MFN2: variants seen among roughly 807,000 people sequenced by gnomAD.
MFN2 encodes mitofusin 2.
Under a neutral mutation model 87.5 loss-of-function variants are expected in MFN2, and 43 were observed. The ratio of observed to expected loss-of-function variants is 0.49; its 90% confidence interval spans 0.38 to 0.63. The LOEUF (loss-of-function observed/expected upper bound fraction) is 0.63. MFN2 is among the 30% of genes least tolerant of loss of function. The pLI, the probability that MFN2 is intolerant of heterozygous loss-of-function variation, is 0.00. For missense variants in MFN2, 743 were observed against 972.8 expected, an observed-to-expected ratio of 0.76 and a Z score of 3.14; for synonymous variants, 337 against 359.9, an observed-to-expected ratio of 0.94 and a Z score of 0.72.
At position 11,992,673 on chromosome 1, in the gene MFN2, AG is replaced by A; in HGVS notation, c.295del (p.Val99TrpfsTer14). On this transcript the variant is annotated frameshift_variant, in exon 4 of 19. Coordinates refer to ENST00000235329, the MANE Select transcript of MFN2 (RefSeq NM_014874.4). LOFTEE classifies it high-confidence loss of function. ...AGGTGCTGGCTCGGAGGCACATGAAAGTGGCTTTTTTTGGCCGGTAAGTCCT... is the reference window on the plus strand; with the variant it reads ...AGGTGCTGGCTCGGAGGCACATGAAATGGCTTTTTTTGGCCGGTAAGTCCT... ...SEVLARRHMKVAFFGRTSNGK... is the reference protein window; with the variant it reads ...SEVLARRHMKXAFFGRTSNGK... 1 of 1,614,168 alleles carries A rather than the reference AG, an allele frequency of 6.2e-7. No individual in the cohort carries two copies. The highest frequency in any genetic ancestry group is 8.5e-7 in the Non-Finnish European group (1 of 1,180,024).
chr1:11,992,244 GTAGA>G, intron 3 of MFN2: 2 of 390,170 alleles, frequency 5.1e-6, no homozygotes, highest in Middle Eastern at 7.9e-4. Context: ...TTCTCATGAA[GTAGA>G]TAATGTAGTT....
chr1:12,007,299 A>G, intron 17 of MFN2, 50 bp downstream of exon 17: 1 of 1,588,678 alleles, frequency 6.3e-7, no homozygotes, highest in Non-Finnish European at 8.6e-7. Flanking sequence ...AGGCAGGGTC[A>G]GCCCCATCTC....
At chr1:11,988,614 G>A (rs12119716) in intron 2 of MFN2, among the ~76,000 whole-genome samples, 2,830 of 152,120 alleles carry the variant, frequency 0.019, 35 homozygotes, top group Middle Eastern at 0.048. Context: ...ATAGGTCACT[G>A]CAGCCGAAAC....
At chr1:11,987,050 C>T (rs1419179272) in intron 2 of MFN2, among the ~76,000 whole-genome samples, 1 of 152,204 alleles carries the variant, frequency 6.6e-6, no homozygotes, top group Non-Finnish European at 1.5e-5. Context: ...TGGCTCACGC[C>T]TGTATTCCCA....
Position 12,001,508 on chromosome 1 carries a change from G to A in MFN2, c.924G>A (p.Glu308=). 2 of 1,614,228 alleles carry A rather than the reference G, an allele frequency of 1.2e-6. No individual in the cohort carries two copies. The highest frequency in any genetic ancestry group is 4.5e-5 in the East Asian group (2 of 44,884). ...GDRIFFVSAK[E]VLNARIQKAQ... ...GCATCTTCTTTGTGTCTGCTAAGGA[G>A]GTGCTCAACGCCAGGATTCAGAAAG... The change falls in exon 9 of 19, where the codon GAG becomes GAA. Residue 308 remains glutamate, a synonymous_variant. Transcript: ENST00000235329.
intron 5 of MFN2, among the ~76,000 whole-genome samples, chr1:11,996,677 C>T (rs909851738): frequency 1.3e-5 from 2 of 152,018 alleles, no homozygotes; most frequent in Admixed American, 6.6e-5. Flanking sequence ...AGTCAGGGAC[C>T]GACACTCTGA....
intron 2 of MFN2, among the ~76,000 whole-genome samples, chr1:11,987,491 A>G (rs989177524): frequency 6.6e-6 from 1 of 151,700 alleles, no homozygotes; most frequent in Admixed American, 6.6e-5. Context: ...TTAGCCGGGC[A>G]TGGTGGCGAG....
chr1:12,001,698 G>T (rs1352447960), intron 9 of MFN2, 71 bp from the exon 10 acceptor site: 4 of 1,605,660 alleles, frequency 2.5e-6, no homozygotes, highest in Non-Finnish European at 3.4e-6. Flanking sequence ...CAGTGGCTTG[G>T]TTTCTGGGGA....
At position 12,002,344 on chromosome 1, in the gene MFN2, T is replaced by C. The variant is rs187875685; in HGVS notation, c.1160+241T>C. On this transcript the variant is annotated intron_variant, in intron 11 of 18. Transcript: ENST00000235329. ...GCACGATTCCCTGTGTTGGAGGTCT[T>C]GGCCCATGCCCTGCTGAGCTCTGCA... is the stretch of plus-strand genomic sequence containing the variant. Among the ~76,000 whole-genome samples the C allele has an allele frequency of 1.7e-3, 262 of 152,376 alleles. 2 individuals carry two copies. Among genetic ancestry groups the C allele is most frequent in the African/African-American group, 6.0e-3 (248 of 41,594 alleles).
At chr1:12,005,984 G>C in intron 15 of MFN2, 53 bp downstream of exon 15, 1 of 1,549,100 alleles carries the variant, frequency 6.5e-7, no homozygotes, top group Non-Finnish European at 8.9e-7. Flanking sequence ...TCTGTACCCT[G>C]CCTCCAGACA....
In MFN2 at chr1:12,004,382, A is replaced by G. The variant is rs1639309613; in HGVS notation, c.1288-127A>G. On this transcript the variant is annotated intron_variant, in intron 12 of 18. Transcript: ENST00000235329. This position sits in a 1 kb window ranked among gnomAD's most constrained non-coding sequence, Gnocchi z 4.2. The stretch of plus-strand genomic sequence containing the variant: ...CTCTCACTTCAGAGGCTTTAATTCC[A>G]TAGAGGAGCTGAGGAGGCTGCTGGT... 8.3e-6 allele frequency: 8 copies of G among 969,676 alleles called. No homozygotes were observed. Among genetic ancestry groups the G allele is most frequent in the South Asian group, 2.6e-5 (2 of 77,556 alleles). 60.1% of individuals were successfully genotyped at this position (969,676 alleles called of 1,614,324 possible).
In MFN2 at chr1:12,006,655, T is replaced by A. The variant is rs2100856360; in HGVS notation, c.1834T>A (p.Ser612Thr). The part of the protein sequence containing the change: ...SMVTGLASLT[S>T]RTSMGILVVG... The stretch of plus-strand genomic sequence containing the variant: ...GGTTACCGGCCTGGCCTCCTTGACA[T>A]CCAGGACCTCCATGGGCATTCTTGT... Residue 612 changes from serine to threonine, a missense_variant, in exon 16 of 19, where the codon TCC becomes ACC. Ser to Thr is a moderately conservative substitution (Grantham distance 58). This residue lies in a region of MFN2 where 571 missense variants were observed against 670.7 expected (regional missense o/e 0.85). Coordinates refer to ENST00000235329, the MANE Select transcript of MFN2 (RefSeq NM_014874.4). The A allele has an allele frequency of 6.2e-7, 1 of 1,613,298 alleles. No individual in the cohort carries two copies. The highest frequency in any genetic ancestry group is 8.5e-7 in the Non-Finnish European group (1 of 1,179,708).
Position 12,004,185 on chromosome 1 carries a change from CCTCCT to C in MFN2, c.1287+69_1287+73del. On this transcript the variant is annotated intron_variant, in intron 12 of 18. Coordinates refer to ENST00000235329, the MANE Select transcript of MFN2 (RefSeq NM_014874.4). This position sits in a 1 kb window ranked among gnomAD's most constrained non-coding sequence, Gnocchi z 4.2. ...CGAGTAGAGTCCAGAAGAAAGCAGACCTCCTCCTCTTAGGGACTTCTCAGCCTTTC... is the reference window on the plus strand; with the variant it reads ...CGAGTAGAGTCCAGAAGAAAGCAGACCCTCTTAGGGACTTCTCAGCCTTTC... 1.9e-6 allele frequency: 3 copies of C among 1,597,336 alleles called. No individual in the cohort carries two copies. Among genetic ancestry groups the C allele is most frequent in the Non-Finnish European group, 2.6e-6 (3 of 1,168,184 alleles).
intron 2 of MFN2, among the ~76,000 whole-genome samples, chr1:11,986,487 G>A (rs540827683): frequency 1.4e-4 from 22 of 152,186 alleles, no homozygotes; most frequent in African/African-American, 5.1e-4. Context: ...AGTAGCTTTC[G>A]CCGTGGTGGG....
At chr1:11,987,647 A>AAAAG (rs1456114473) in intron 2 of MFN2, among the ~76,000 whole-genome samples, 6 of 149,552 alleles carry the variant, frequency 4.0e-5, no homozygotes, top group Admixed American at 6.6e-5. Context: ...AAAAAAAAAA[A>AAAAG]TGTTGGCTGG....
intron 4 of MFN2, 78 bp from the exon 5 acceptor site, chr1:11,996,078 C>G: frequency 6.3e-7 from 1 of 1,596,180 alleles, no homozygotes; most frequent in Non-Finnish European, 8.6e-7. Context: ...CTTTGGCCTT[C>G]CAGGCTGGTA....
At chr1:11,981,712 G>C (rs1187650809) in intron 1 of MFN2, 1 of 152,320 alleles carries the variant, frequency 6.6e-6, no homozygotes, top group Admixed American at 6.5e-5. Context: ...CTTTCCCAGG[G>C]CTCCTGCAGG....
chr1:11,989,387 G>A (rs751738549), intron 3 of MFN2, 44 bp downstream of exon 3: 19 of 1,603,100 alleles, frequency 1.2e-5, no homozygotes, highest in African/African-American at 1.3e-5. Context: ...TACCTGTTTA[G>A]ATATTTAGCT....
At chr1:11,985,553 A>G (rs966817886) in intron 2 of MFN2, among the ~76,000 whole-genome samples, 4 of 141,610 alleles carry the variant, frequency 2.8e-5, no homozygotes, top group Admixed American at 7.6e-5. Context: ...TGCAAATTCT[A>G]CCTCCCAGGT....
Sources: allele counts gnomAD v4.1 joint callset (sites outside exome capture counted in the v4.1 genomes callset), GRCh38; gene constraint gnomAD v4.1.1; regional missense constraint gnomAD v4.1.1; non-coding constraint Gnocchi (gnomAD v3.1); transcripts MANE v1.5; gene names NCBI Gene and HGNC (gene_info 2026-07-23, HGNC 2026-07-21).